Variants in ANK2 observed in about 807,000 individuals in gnomAD.
The protein encoded by ANK2 is ankyrin-2.
A neutral mutation model predicts 360.5 loss-of-function variants in ANK2; 83 were observed. The observed-to-expected ratio is 0.23, with a 90% CI of 0.19 to 0.28. The LOEUF (loss-of-function observed/expected upper bound fraction) is 0.28, where lower values mean the gene tolerates loss of function less well. Among genes scored for constraint, ANK2 ranks in the 10% least tolerant of loss-of-function variants. The pLI, the probability that ANK2 is intolerant of heterozygous loss-of-function variation, is 1.00. For synonymous variants in ANK2, 1,740 were observed against 1,759.5 expected (o/e 0.99, Z 0.28); for missense variants, 4,201 against 4,795.7 (o/e 0.88, Z 3.66).
intron 2 of ANK2, among the ~76,000 whole-genome samples, chr4:112,952,281 A>T (rs1471384717): frequency 3.3e-5 from 5 of 152,240 alleles, no homozygotes; most frequent in Non-Finnish European, 2.9e-5. Context: ...GTAGTAAAAT[A>T]AATAGGGAGT....
At chr4:113,095,813 T>A (rs1277369917) in intron 1 of ANK2, among the ~76,000 whole-genome samples, 1 of 152,172 alleles carries the variant, frequency 6.6e-6, no homozygotes, top group African/African-American at 2.4e-5. Flanking sequence ...CTTCCTACAG[T>A]TTTTGTCCAT....
At position 113,369,499 on chromosome 4, in the gene ANK2, G is replaced by C. The variant is rs571715808; in HGVS notation, c.11319-15G>C. 2.5e-6 allele frequency: 4 copies of C among 1,612,910 alleles called. No homozygotes were observed. Among genetic ancestry groups the C allele is most frequent in the South Asian group, 1.1e-5 (1 of 91,072 alleles). On this transcript the variant is annotated splice_polypyrimidine_tract_variant and intron_variant, in intron 42 of 45. Coordinates refer to ENST00000357077, the MANE Select transcript of ANK2 (RefSeq NM_001148.6). ...GCAAATGTCCCTGAAGTCTCATTTG[G>C]CTTTTTGATTCCAGTGTGACAACTC...
intron 1 of ANK2, among the ~76,000 whole-genome samples, chr4:112,875,732 GTTT>G (rs1161704625): frequency 6.6e-6 from 1 of 151,060 alleles, no homozygotes; most frequent in Non-Finnish European, 1.5e-5. Flanking sequence ...TGTGTGTGTG[GTTT>G]TTTGTTTGTT....
intron 13 of ANK2, among the ~76,000 whole-genome samples, chr4:113,261,130 G>C (rs1434336887): frequency 6.6e-6 from 1 of 152,026 alleles, no homozygotes; most frequent in Non-Finnish European, 1.5e-5. Flanking sequence ...TTTTGTTTTT[G>C]CCTGAAAATT....
At chr4:113,373,040 T>C in intron 43 of ANK2, 50 bp from the exon 44 acceptor site, 1 of 1,482,110 alleles carries the variant, frequency 6.7e-7, no homozygotes, top group Non-Finnish European at 9.4e-7. Context: ...GAGTAGTTCC[T>C]CAGAATTGGT....
At chr4:113,197,845 T>C (rs539792993) in intron 3 of ANK2, among the ~76,000 whole-genome samples, 12 of 152,306 alleles carry the variant, frequency 7.9e-5, no homozygotes, top group Middle Eastern at 3.4e-3. Flanking sequence ...CTCTGGCACA[T>C]CAAATACATT....
intron 1 of ANK2, among the ~76,000 whole-genome samples, chr4:113,109,481 T>C (rs1351904781): frequency 6.6e-6 from 1 of 152,222 alleles, no homozygotes; most frequent in African/African-American, 2.4e-5. Flanking sequence ...TATTCTGCTC[T>C]TACCCTTAGA....
chr4:112,897,300 T>G (rs2082055844), intron 1 of ANK2, among the ~76,000 whole-genome samples: 1 of 152,200 alleles, frequency 6.6e-6, no homozygotes, highest in Non-Finnish European at 1.5e-5. Flanking sequence ...AATATTCCCT[T>G]TCTTTGTTCA....
chr4:113,041,324 T>C (rs2062894805), intron 2 of ANK2, among the ~76,000 whole-genome samples: 1 of 152,150 alleles, frequency 6.6e-6, no homozygotes, highest in African/African-American at 2.4e-5. Flanking sequence ...TTAATTTAAA[T>C]GTGCTGCAAT....
chr4:112,961,537 A>C (rs1164385405), intron 2 of ANK2, among the ~76,000 whole-genome samples: 1 of 152,184 alleles, frequency 6.6e-6, no homozygotes, highest in East Asian at 1.9e-4. Flanking sequence ...ACCTTAGATT[A>C]AAATATACTA....
intron 1 of ANK2, among the ~76,000 whole-genome samples, chr4:112,868,876 A>G (rs1381295323): frequency 1.3e-5 from 2 of 152,184 alleles, no homozygotes; most frequent in African/African-American, 4.8e-5. Context: ...ATGAGTTTTT[A>G]TATATTATGG....
In ANK2 at chr4:112,866,120, A is replaced by G. The variant is rs141605447; in HGVS notation, c.-39-38335A>G. 1.6e-3 allele frequency among the ~76,000 whole-genome samples: 251 copies of G among 152,354 alleles called. 1 individual carries two copies. Among genetic ancestry groups the G allele is most frequent in the Admixed American group, 5.2e-3 (79 of 15,306 alleles). ...TATCTTTTCGGCTGAGGTGCAGCAT[A>G]CAGTGCAGCAAAGGAAAATATCTTT... On this transcript the variant is annotated intron_variant, in intron 1 of 30. Transcript: ENST00000503271.
At chr4:113,220,664 A>G (rs964335326) in intron 4 of ANK2, among the ~76,000 whole-genome samples, 5 of 152,218 alleles carry the variant, frequency 3.3e-5, no homozygotes, top group African/African-American at 7.2e-5. Flanking sequence ...AAAGTGAAAC[A>G]GAGAGAGAAA....
chr4:112,994,941 C>T (rs2048040780), intron 2 of ANK2, among the ~76,000 whole-genome samples: 1 of 152,152 alleles, frequency 6.6e-6, no homozygotes. Context: ...GACTTCATTC[C>T]TTTTTTATGG....
chr4:112,831,718 C>T (rs1167200782), intron 1 of ANK2, among the ~76,000 whole-genome samples: 2 of 152,162 alleles, frequency 1.3e-5, no homozygotes, highest in Admixed American at 6.5e-5. Flanking sequence ...CACAATAAAT[C>T]TTGCTGATGC....
chr4:112,967,410 C>G (rs765271281), intron 2 of ANK2, among the ~76,000 whole-genome samples: 1 of 152,164 alleles, frequency 6.6e-6, no homozygotes, highest in Non-Finnish European at 1.5e-5. Context: ...GCGGCAGAGC[C>G]CAGCGTAATA....
intron 1 of ANK2, among the ~76,000 whole-genome samples, chr4:113,144,554 C>T (rs963233547): frequency 1.3e-5 from 2 of 151,640 alleles, no homozygotes; most frequent in Admixed American, 6.6e-5. Flanking sequence ...ATAATTGCTT[C>T]CAATTCAATA....
chr4:113,098,729 A>C (rs1010704338), intron 1 of ANK2, among the ~76,000 whole-genome samples: 3 of 152,026 alleles, frequency 2.0e-5, no homozygotes, highest in Non-Finnish European at 4.4e-5. Flanking sequence ...AAGACAGGAC[A>C]AGAAAGGAAA....
chr4:113,276,426 G>A (rs1391497967), intron 15 of ANK2, among the ~76,000 whole-genome samples: 1 of 152,156 alleles, frequency 6.6e-6, no homozygotes, highest in Non-Finnish European at 1.5e-5. Flanking sequence ...ATGTATTTTT[G>A]TCTAATAATC....
Sources: gnomAD v4.1 joint callset for allele counts (sites outside exome capture counted in the v4.1 genomes callset) on GRCh38, gnomAD v4.1.1 for gene constraint, MANE v1.5 for transcripts, NCBI Gene and HGNC (gene_info 2026-07-23, HGNC 2026-07-21) for gene names.